Variants in DLGAP2 observed in about 807,000 individuals in gnomAD.
DLGAP2 encodes the protein DLG associated protein 2, also known as disks large-associated protein 2.
Under a neutral mutation model 100.3 loss-of-function variants are expected in DLGAP2, and 26 were observed. That is an observed-to-expected ratio of 0.26 (90% CI 0.19 to 0.36). The LOEUF (loss-of-function observed/expected upper bound fraction) is 0.36. DLGAP2 is among the 10% of genes least tolerant of loss of function. DLGAP2 has a pLI of 1.00. For missense variants in DLGAP2, 1,858 were observed against 1,453.2 expected, an observed-to-expected ratio of 1.28 and a Z score of -4.53; for synonymous variants, 886 against 630.1, an observed-to-expected ratio of 1.41 and a Z score of -6.08.
intron 2 of DLGAP2, among the ~76,000 whole-genome samples, chr8:1,151,420 A>G (rs1796694716): frequency 6.6e-6 from 1 of 152,214 alleles, no homozygotes; most frequent in Non-Finnish European, 1.5e-5. Flanking sequence ...GTCACTGTAC[A>G]GAGGAAAAGG....
chr8:1,000,858 G>A (rs1800935314), intron 2 of DLGAP2, among the ~76,000 whole-genome samples: 2 of 152,104 alleles, frequency 1.3e-5, no homozygotes, highest in South Asian at 2.1e-4. Context: ...GACAGGTGTG[G>A]GGGGAGAGGA....
At chr8:1,427,903 A>C (rs1797281338) in intron 3 of DLGAP2, among the ~76,000 whole-genome samples, 2 of 152,226 alleles carry the variant, frequency 1.3e-5, no homozygotes, top group Admixed American at 1.3e-4. Flanking sequence ...ATAACTTAAC[A>C]GTGCCGCAAT....
At chr8:1,060,940 C>G (rs190135686) in intron 2 of DLGAP2, among the ~76,000 whole-genome samples, 1 of 152,216 alleles carries the variant, frequency 6.6e-6, no homozygotes, top group African/African-American at 2.4e-5. Context: ...GAGTGTGTCT[C>G]CCAGCCTTCA....
intron 1 of DLGAP2, among the ~76,000 whole-genome samples, chr8:799,877 G>A (rs773822839): frequency 5.9e-5 from 9 of 152,210 alleles, no homozygotes; most frequent in Non-Finnish European, 1.3e-4. Flanking sequence ...GATGATAGGT[G>A]AGAGCCACAG....
chr8:882,021 C>T (rs1255280080), intron 1 of DLGAP2, among the ~76,000 whole-genome samples: 1 of 152,158 alleles, frequency 6.6e-6, no homozygotes, highest in East Asian at 1.9e-4. Flanking sequence ...AAGTGCTCAC[C>T]TGTGTCCTGT....
chr8:1,416,395 C>G (rs1368310049), intron 3 of DLGAP2, among the ~76,000 whole-genome samples: 1 of 152,184 alleles, frequency 6.6e-6, no homozygotes, highest in Non-Finnish European at 1.5e-5. Context: ...TGCAGTGCAG[C>G]GATACTACAG....
In DLGAP2 at chr8:1,697,130, C is replaced by G. The variant is rs965732420; in HGVS notation, c.2797-17C>G. 8 of 1,550,320 alleles carry G rather than the reference C, an allele frequency of 5.2e-6. No individual in the cohort carries two copies. The highest frequency in any genetic ancestry group is 3.7e-5 in the South Asian group (3 of 81,346). On this transcript the variant is annotated splice_polypyrimidine_tract_variant and intron_variant, in intron 13 of 14. Transcript: ENST00000637795. ...AGGAGACTCTCCTGGCTCTGAACAC[C>G]CTGTGTGTGTCCCCAGGACCCCAGC...
intron 2 of DLGAP2, among the ~76,000 whole-genome samples, chr8:940,668 A>G (rs79948949): frequency 0.068 from 10,294 of 152,250 alleles, 494 homozygotes; most frequent in Admixed American, 0.13. Context: ...TTGGAAAACC[A>G]AAGTTCATTG....
At chr8:1,048,598 T>G (rs969197235) in intron 2 of DLGAP2, among the ~76,000 whole-genome samples, 2 of 151,794 alleles carry the variant, frequency 1.3e-5, no homozygotes, top group Non-Finnish European at 2.9e-5. Context: ...GGTGAATACT[T>G]GGTGTGTTTC....
At chr8:1,434,039 G>GT (rs1403708147) in intron 3 of DLGAP2, among the ~76,000 whole-genome samples, 3 of 152,150 alleles carry the variant, frequency 2.0e-5, no homozygotes, top group Non-Finnish European at 2.9e-5. Context: ...GCAAGAAAGT[G>GT]TTTTTGCGAA....
chr8:1,499,735 C>T (rs1005312414), intron 3 of DLGAP2, among the ~76,000 whole-genome samples: 3 of 152,210 alleles, frequency 2.0e-5, no homozygotes, highest in Non-Finnish European at 2.9e-5. Flanking sequence ...AAAGCTGTAA[C>T]TGGGAGATCC....
chr8:871,771 T>C (rs1310219108), intron 1 of DLGAP2, among the ~76,000 whole-genome samples: 2 of 152,236 alleles, frequency 1.3e-5, no homozygotes, highest in Admixed American at 6.5e-5. Context: ...CAGCCTGAGC[T>C]GGATTTACAG....
At chr8:1,087,495 C>T (rs1261859638) in intron 2 of DLGAP2, among the ~76,000 whole-genome samples, 3 of 152,062 alleles carry the variant, frequency 2.0e-5, no homozygotes, top group Non-Finnish European at 2.9e-5. Context: ...TTTGTAATCT[C>T]AGACATTTTG....
chr8:1,436,712 A>G lies in DLGAP2; in HGVS notation c.107-64654A>G, dbSNP rs148407316. ...CAGTGATGTCTCGGGCCGCGCATTCACTCCCCACTCACCCATTCACTCACC... is the reference window on the plus strand; with the variant it reads ...CAGTGATGTCTCGGGCCGCGCATTCGCTCCCCACTCACCCATTCACTCACC... On this transcript the variant is annotated intron_variant, in intron 3 of 14. Coordinates refer to ENST00000637795, the MANE Select transcript of DLGAP2 (RefSeq NM_001346810.2). 1.7e-3 allele frequency among the ~76,000 whole-genome samples: 264 copies of G among 151,904 alleles called. 1 individual carries two copies. The highest frequency in any genetic ancestry group is 6.0e-3 in the African/African-American group (248 of 41,392).
At chr8:1,263,100 A>G (rs190408109) in intron 3 of DLGAP2, among the ~76,000 whole-genome samples, 60 of 152,346 alleles carry the variant, frequency 3.9e-4, no homozygotes, top group Middle Eastern at 3.4e-3. Context: ...ATTATTATAT[A>G]AATGTAGCAT....
intron 1 of DLGAP2, among the ~76,000 whole-genome samples, chr8:877,797 C>T (rs1797712294): frequency 6.6e-6 from 1 of 152,272 alleles, no homozygotes; most frequent in South Asian, 2.1e-4. Context: ...TGAGGTTTGG[C>T]TCCTTTGGAA....
rs529023628 is a variant in DLGAP2 at position 911,544 on chromosome 8, A to C, written c.73+3578A>C. On this transcript the variant is annotated intron_variant, in intron 2 of 14. Coordinates refer to ENST00000637795, the MANE Select transcript of DLGAP2 (RefSeq NM_001346810.2). ...TGGAAAGACGTGTATAACATGTTGG[A>C]AGGATGCATGTATAACATATGTTGG... 6.1e-5 allele frequency among the ~76,000 whole-genome samples: 9 copies of C among 147,104 alleles called. No homozygotes were observed. The East Asian group carries it at 1.8e-3, about 30-fold the overall frequency.
chr8:1,503,134 A>G (rs1799783520), intron 4 of DLGAP2, among the ~76,000 whole-genome samples: 1 of 152,202 alleles, frequency 6.6e-6, no homozygotes, highest in African/African-American at 2.4e-5. Context: ...GCTGGATTGT[A>G]GGGACAGAAA....
intron 1 of DLGAP2, among the ~76,000 whole-genome samples, chr8:787,736 G>A (rs905126235): frequency 1.6e-4 from 25 of 152,108 alleles, no homozygotes; most frequent in African/African-American, 5.3e-4. Context: ...AGCCTACATC[G>A]GAATGGTCAC....
Sources: gnomAD v4.1 joint callset for allele counts (sites outside exome capture counted in the v4.1 genomes callset) on GRCh38, gnomAD v4.1.1 for gene constraint, MANE v1.5 for transcripts, NCBI Gene and HGNC (gene_info 2026-07-23, HGNC 2026-07-21) for gene names.